The following PDIA4 variants were observed in gnomAD, a reference collection of about 807,000 sequenced individuals.
PDIA4 encodes protein disulfide isomerase family A member 4.
Under a neutral mutation model 62.1 loss-of-function variants are expected in PDIA4, and 33 were observed. That is an observed-to-expected ratio of 0.53 (90% confidence interval 0.40 to 0.71). The LOEUF is 0.71. Among genes scored for constraint, PDIA4 ranks in the 30% least tolerant of loss-of-function variants. PDIA4 has a pLI of 0.00. For missense variants in PDIA4, 804 were observed against 813.6 expected (o/e 0.99, Z 0.14); for synonymous variants, 341 against 324.1 (o/e 1.05, Z -0.56).
chr7:149,017,198 GC>G (rs1824166791), intron 3 of PDIA4, among the ~76,000 whole-genome samples: 1 of 151,872 alleles, frequency 6.6e-6, no homozygotes, highest in African/African-American at 2.4e-5. Context: ...GGAAAATGCA[GC>G]CGCATCTTTT....
intron 4 of PDIA4, among the ~76,000 whole-genome samples, chr7:149,013,268 C>T (rs1289095991): frequency 6.6e-6 from 1 of 152,134 alleles, no homozygotes; most frequent in African/African-American, 2.4e-5. Context: ...CAACATCCCA[C>T]ACCCAGCTGG....
At position 149,020,230 on chromosome 7, in the gene PDIA4, G is replaced by A. The variant is rs147083068; in HGVS notation, c.269+737C>T. Among the ~76,000 whole-genome samples the A allele has an allele frequency of 2.7e-3, 416 of 152,198 alleles. 2 individuals are homozygous for A. Among genetic ancestry groups the A allele is most frequent in the African/African-American group, 9.6e-3 (398 of 41,520 alleles). On this transcript the variant is annotated intron_variant, in intron 2 of 9. Transcript: ENST00000652332. ...CCCGCCTTGGCCTCCCAAAGTGCTG[G>A]GATTATAGGTGTGAGCCACCATGCC...
chr7:149,019,748 T>C (rs1057072165), intron 2 of PDIA4, among the ~76,000 whole-genome samples: 1 of 152,088 alleles, frequency 6.6e-6, no homozygotes, highest in East Asian at 1.9e-4. Flanking sequence ...AAGGTGGAGG[T>C]TGCAGTGATC....
intron 8 of PDIA4, 100 bp from the exon 9 acceptor site, chr7:149,005,474 A>C (rs1215305681): frequency 1.3e-6 from 1 of 760,454 alleles, no homozygotes; most frequent in African/African-American, 1.7e-5. Context: ...ATATTCTGAC[A>C]ATGCTCAAAC....
intron 1 of PDIA4, among the ~76,000 whole-genome samples, chr7:149,027,528 T>C (rs1824600653): frequency 6.6e-6 from 1 of 152,240 alleles, no homozygotes; most frequent in Admixed American, 6.5e-5. Context: ...TAAAGACCAG[T>C]ACCTGGATGC....
chr7:149,006,030 G>C lies in PDIA4; in HGVS notation c.1155C>G (p.Ile385Met). 4 of 1,565,414 alleles carry C rather than the reference G, an allele frequency of 2.6e-6. No individual in the cohort carries two copies. Among genetic ancestry groups the C allele is most frequent in the Non-Finnish European group, 3.4e-6 (4 of 1,161,942 alleles). Residue 385 changes from isoleucine (I) to methionine (M), a missense_variant, in exon 8 of 10, where the codon ATC becomes ATG. Physicochemically the swap from Ile to Met is conservative, Grantham distance 10. Transcript: ENST00000652332. Reference sequence around the variant, plus strand: ...GGGCGTACTTCAGCACGAAGTCCTTGATGGCCGAGTCCTGGGTGGAGCCCT... The same window carrying C: ...GGGCGTACTTCAGCACGAAGTCCTTCATGGCCGAGTCCTGGGTGGAGCCCT... ...DVQGSTQDSA[I>M]KDFVLKYALP...
chr7:149,013,043 T>C (rs1824006198), intron 4 of PDIA4, among the ~76,000 whole-genome samples: 1 of 151,762 alleles, frequency 6.6e-6, no homozygotes, highest in Non-Finnish European at 1.5e-5. Flanking sequence ...AGGCCAGGAG[T>C]TTGAGACCAG....
chr7:149,011,183 T>C (rs954781884), intron 6 of PDIA4, among the ~76,000 whole-genome samples: 1 of 152,046 alleles, frequency 6.6e-6, no homozygotes, highest in Admixed American at 6.5e-5. Flanking sequence ...TGGGAGAGGG[T>C]AGCACTCAGA....
chr7:149,015,492 CAAAAA>C (rs34656815), intron 3 of PDIA4, among the ~76,000 whole-genome samples: 9 of 104,418 alleles, frequency 8.6e-5, no homozygotes, highest in East Asian at 5.2e-4. Context: ...AAGATGTATG[CAAAAA>C]AAAAAAAAAA....
intron 3 of PDIA4, among the ~76,000 whole-genome samples, chr7:149,018,404 G>A (rs752819901): frequency 5.9e-5 from 9 of 151,610 alleles, no homozygotes; most frequent in Non-Finnish European, 1.3e-4. Context: ...ACCAAGACCC[G>A]TGACCTCTGA....
In PDIA4 at chr7:149,008,215, G is replaced by A; in HGVS notation, c.1075C>T (p.Gln359Ter). Residue 359 changes from glutamine to a stop codon, truncating the protein, a stop_gained, in exon 7 of 10, where the codon CAG becomes TAG. Transcript: ENST00000652332. LOFTEE classifies it high-confidence loss of function. ...KVSQGQLVVM[Q>*]PEKFQSKYEP... Reference sequence around the variant, plus strand: ...TACTTGGACTGGAATTTCTCAGGCTGCATTACAACCAACTGCCCCTGGGAG... The same window carrying A: ...TACTTGGACTGGAATTTCTCAGGCTACATTACAACCAACTGCCCCTGGGAG... The A allele has an allele frequency of 1.9e-6, 3 of 1,614,156 alleles. No homozygotes were observed. The South Asian group carries it at 3.3e-5, about 18-fold the overall frequency.
At chr7:149,016,754 A>G (rs1021634528) in intron 3 of PDIA4, among the ~76,000 whole-genome samples, 11 of 152,106 alleles carry the variant, frequency 7.2e-5, no homozygotes, top group African/African-American at 2.7e-4. Context: ...CTCGTGATCC[A>G]CCGACCTTGG....
chr7:149,022,576 T>C (rs6963547), intron 1 of PDIA4, among the ~76,000 whole-genome samples: 30,324 of 151,974 alleles, frequency 0.2, 3,300 homozygotes, highest in Middle Eastern at 0.31. Context: ...TGGAGATGTG[T>C]TTTCCAGGAG....
At chr7:149,004,995 G>C in intron 9 of PDIA4, 146 bp downstream of exon 9, 2 of 683,910 alleles carry the variant, frequency 2.9e-6, no homozygotes, top group South Asian at 3.4e-5. Flanking sequence ...AGAAGTCAGA[G>C]TCCCTCGGGG....
intron 4 of PDIA4, among the ~76,000 whole-genome samples, chr7:149,013,200 A>G (rs1182763087): frequency 6.6e-6 from 1 of 152,090 alleles, no homozygotes; most frequent in African/African-American, 2.4e-5. Flanking sequence ...GTGAGCCAAG[A>G]TCGCACCACT....
chr7:149,008,402 T>C, intron 6 of PDIA4, 92 bp from the exon 7 acceptor site: 1 of 1,354,170 alleles, frequency 7.4e-7, no homozygotes, highest in Non-Finnish European at 1.0e-6. Flanking sequence ...GCAAATGTTC[T>C]GAAAATGACC....
chr7:149,006,624 G>A (rs968979973), intron 7 of PDIA4, among the ~76,000 whole-genome samples: 3 of 152,206 alleles, frequency 2.0e-5, no homozygotes, highest in African/African-American at 7.2e-5. Context: ...TGAAGGACAA[G>A]AGGGCCCCGC....
At chr7:149,008,431 T>C in intron 6 of PDIA4, 121 bp from the exon 7 acceptor site, 2 of 1,001,274 alleles carry the variant, frequency 2.0e-6, no homozygotes, top group Non-Finnish European at 3.0e-6. Context: ...CTGGGCGCGG[T>C]GGCTCACGCC....
chr7:149,011,196 A>G (rs913899889), intron 6 of PDIA4, among the ~76,000 whole-genome samples: 3 of 152,156 alleles, frequency 2.0e-5, no homozygotes, highest in African/African-American at 7.2e-5. Context: ...CACTCAGAAG[A>G]CATCAATGAG....
Sources: allele counts gnomAD v4.1 joint callset (sites outside exome capture counted in the v4.1 genomes callset), GRCh38; gene constraint gnomAD v4.1.1; transcripts MANE v1.5; gene names NCBI Gene and HGNC (gene_info 2026-07-23, HGNC 2026-07-21).